The following SEC11A variants were observed in gnomAD, a reference collection of about 807,000 sequenced individuals.
SEC11A encodes the protein signal peptidase complex catalytic subunit SEC11A.
Under a neutral mutation model 25.6 loss-of-function variants are expected in SEC11A, and 14 were observed. The observed-to-expected ratio is 0.55, with a 90% confidence interval of 0.36 to 0.85. The LOEUF (loss-of-function observed/expected upper bound fraction) is 0.85. SEC11A is among the 40% of genes least tolerant of loss of function. SEC11A has a pLI of 0.01. For synonymous variants in SEC11A, 83 were observed against 76.4 expected, an observed-to-expected ratio of 1.09 and a Z score of -0.45; for missense variants, 153 against 222.9, an observed-to-expected ratio of 0.69 and a Z score of 2.00.
chr15:84,670,025 AC>A lies in SEC11A; in HGVS notation c.533del (p.Arg178LeufsTer28). 1 of 1,613,708 alleles carries A rather than the reference AC, an allele frequency of 6.2e-7. No individual in the cohort carries two copies. Among genetic ancestry groups the A allele is most frequent in the Non-Finnish European group, 8.5e-7 (1 of 1,179,724 alleles). ...GAACAGCAAGGCAGGCTTCTTACTC[AC>A]GATGAACCAGCACGAATAAACCCAG... The part of the protein sequence containing the change: ...FLLGLFVLVH[R>X]E On this transcript the variant is annotated frameshift_variant, in exon 6 of 6. Transcript: ENST00000268220. LOFTEE classifies it high-confidence loss of function.
At chr15:84,713,351 A>G (rs1180495450) in intron 1 of SEC11A, among the ~76,000 whole-genome samples, 1 of 152,198 alleles carries the variant, frequency 6.6e-6, no homozygotes, top group African/African-American at 2.4e-5. Flanking sequence ...GTATAAGCAG[A>G]GAAGTTATGC....
intron 1 of SEC11A, among the ~76,000 whole-genome samples, chr15:84,701,413 G>A (rs528906506): frequency 1.3e-5 from 2 of 151,668 alleles, no homozygotes; most frequent in South Asian, 2.1e-4. Context: ...TCCACCTCCC[G>A]GGTTCAAGCA....
chr15:84,716,032 T>G lies in SEC11A; in HGVS notation c.44A>C (p.Lys15Thr). ...GAGGACGGACAAGCTCACCTGCCGC[T>G]TGTTCATCCGCCGCACATCGTCCAA... ...DFLDDVRRMNKRQLYYQVLNF... is the reference protein window; with the variant it reads ...DFLDDVRRMNTRQLYYQVLNF... The change falls in exon 1 of 6, where the codon AAG becomes ACG. Residue 15 changes from lysine (K) to threonine (T), a missense_variant. By Grantham distance (78) the Lys-to-Thr change is moderately conservative. Coordinates refer to ENST00000268220, the MANE Select transcript of SEC11A (RefSeq NM_014300.4). 1 of 1,613,618 alleles carries G rather than the reference T, an allele frequency of 6.2e-7. No homozygotes were observed. Among genetic ancestry groups the G allele is most frequent in the South Asian group, 1.1e-5 (1 of 91,008 alleles).
chr15:84,689,484 T>C (rs1488832080), intron 2 of SEC11A, among the ~76,000 whole-genome samples: 2 of 152,140 alleles, frequency 1.3e-5, no homozygotes, highest in African/African-American at 4.8e-5. Context: ...TGCACTATTA[T>C]TTAGATTCTA....
chr15:84,691,125 G>A (rs1169652079), intron 2 of SEC11A, among the ~76,000 whole-genome samples: 1 of 141,916 alleles, frequency 7.0e-6, no homozygotes, highest in Non-Finnish European at 1.5e-5. Context: ...CCAGGCTGAA[G>A]TGCAGTGGTG....
At chr15:84,670,986 A>C in intron 4 of SEC11A, 1 of 410,648 alleles carries the variant, frequency 2.4e-6, no homozygotes. Context: ...GAGGAAACAG[A>C]TGATCATGCC....
chr15:84,681,348 G>A (rs1463252739), intron 3 of SEC11A, among the ~76,000 whole-genome samples: 2 of 152,204 alleles, frequency 1.3e-5, no homozygotes, highest in African/African-American at 2.4e-5. Context: ...AACAAGAGAC[G>A]GCCAGGCGCG....
chr15:84,677,304 T>C (rs1897160130), intron 4 of SEC11A, among the ~76,000 whole-genome samples: 1 of 152,090 alleles, frequency 6.6e-6, no homozygotes, highest in Non-Finnish European at 1.5e-5. Flanking sequence ...GTTAAGATTC[T>C]GTGCTTCTGC....
intron 1 of SEC11A, among the ~76,000 whole-genome samples, chr15:84,707,064 G>A (rs548147717): frequency 6.6e-6 from 1 of 152,062 alleles, no homozygotes; most frequent in Non-Finnish European, 1.5e-5. Context: ...TCCATGGCAA[G>A]CTTAGATCTG....
rs373129075 is a variant in SEC11A, at chr15:84,691,552, C to A, written c.144G>T (p.Pro48=). Residue 48 remains proline, a synonymous_variant, in exon 2 of 6, where the codon CCG becomes CCT. Transcript: ENST00000268220. The part of the protein sequence containing the change: ...GLMVITGSES[P]IVVVLSGSME... ...ACTGTTACCTGAGCACCACTACAATCGGACTTTCACTTCCAGTTATTACCA... is the reference window on the plus strand; with the variant it reads ...ACTGTTACCTGAGCACCACTACAATAGGACTTTCACTTCCAGTTATTACCA... 1.6e-5 allele frequency: 26 copies of A among 1,605,066 alleles called. 1 individual carries two copies. In the African/African-American group the frequency reaches 2.7e-4, roughly 17 times the overall value.
At chr15:84,707,966 G>A (rs1369183988) in intron 1 of SEC11A, among the ~76,000 whole-genome samples, 2 of 152,014 alleles carry the variant, frequency 1.3e-5, no homozygotes, top group East Asian at 3.9e-4. Context: ...CCAGCACTTT[G>A]GGAGGCCAAG....
In SEC11A at chr15:84,670,730, AT is replaced by A; in HGVS notation, c.483del (p.Lys161AsnfsTer45). On this transcript the variant is annotated frameshift_variant, in exon 5 of 6. Transcript: ENST00000268220. LOFTEE classifies it high-confidence loss of function. The part of the protein sequence containing the change: ...IVTILMNDYP[K>X]FKYAVLFLLG... ...CAAATAATACAGACTCTTACCTTAA[AT>A]TTAGGATAGTCATTCATGAGGATCG... 3 of 1,432,332 alleles carry A rather than the reference AT, an allele frequency of 2.1e-6. No homozygotes were observed. The highest frequency in any genetic ancestry group is 2.9e-6 in the Non-Finnish European group (3 of 1,041,194). The allele number at this position is 1,432,332 out of a possible 1,614,324, so 88.7% of individuals were successfully genotyped here.
At chr15:84,680,917 T>C (rs906595660) in intron 3 of SEC11A, 85 bp from the exon 4 acceptor site, 5 of 1,215,072 alleles carry the variant, frequency 4.1e-6, no homozygotes, top group South Asian at 3.3e-5. Flanking sequence ...CCAAACATGT[T>C]TGTGGCACTG....
At chr15:84,670,689 A>G (rs1327629707) in intron 5 of SEC11A, 36 bp downstream of exon 5, 15 of 1,095,474 alleles carry the variant, frequency 1.4e-5, no homozygotes, top group Non-Finnish European at 2.0e-5. Context: ...CCAAAAGATT[A>G]CATTTTTTAA....
At chr15:84,696,439 A>G (rs1430876195) in intron 1 of SEC11A, among the ~76,000 whole-genome samples, 1 of 152,196 alleles carries the variant, frequency 6.6e-6, no homozygotes, top group Non-Finnish European at 1.5e-5. Context: ...TTAAGACTCA[A>G]ATTTCCAACT....
chr15:84,689,588 A>G (rs1020046831), intron 2 of SEC11A, among the ~76,000 whole-genome samples: 8 of 149,410 alleles, frequency 5.4e-5, no homozygotes, highest in Admixed American at 6.8e-5. Flanking sequence ...ATATGACAAA[A>G]CTGTAATGTT....
chr15:84,688,348 T>C (rs1463803873), intron 2 of SEC11A, among the ~76,000 whole-genome samples: 3 of 152,194 alleles, frequency 2.0e-5, no homozygotes, highest in African/African-American at 7.2e-5. Flanking sequence ...AACCAAGGAA[T>C]AAGCAGAGAT....
chr15:84,685,341 T>G (rs1897386948), intron 3 of SEC11A, among the ~76,000 whole-genome samples: 1 of 152,008 alleles, frequency 6.6e-6, no homozygotes, highest in Non-Finnish European at 1.5e-5. Flanking sequence ...CACTGCAGCC[T>G]CAACCTCCTG....
intron 1 of SEC11A, among the ~76,000 whole-genome samples, chr15:84,707,353 T>G (rs1323663116): frequency 6.6e-6 from 1 of 151,926 alleles, no homozygotes; most frequent in Admixed American, 6.6e-5. Context: ...GCTCAGCTAA[T>G]TTTTGTATTT....
Sources: allele counts gnomAD v4.1 joint callset (sites outside exome capture counted in the v4.1 genomes callset), GRCh38; gene constraint gnomAD v4.1.1; transcripts MANE v1.5; gene names NCBI Gene and HGNC (gene_info 2026-07-23, HGNC 2026-07-21).